CCR6: variants seen among roughly 807,000 people sequenced by gnomAD.
The protein encoded by CCR6 is C-C chemokine receptor type 6.
Under a neutral mutation model 3.0 loss-of-function variants are expected in CCR6, and 2 were observed. The observed-to-expected ratio is 0.66, with a 90% CI of 0.27 to 2.07. CCR6 has a LOEUF of 2.07. Ranked by LOEUF, CCR6 falls within the 30% of genes most tolerant of loss-of-function variation. The probability of loss-of-function intolerance (pLI) is 0.14; values close to 1 mark genes in which losing one functional copy is unlikely to be tolerated. For synonymous variants in CCR6, 193 were observed against 184.3 expected, an observed-to-expected ratio of 1.05 and a Z score of -0.38; for missense variants, 322 against 462.8, an observed-to-expected ratio of 0.70 and a Z score of 2.79.
At chr6:167,115,257 C>T (rs1194983670) in intron 1 of CCR6, 1 of 152,208 alleles carries the variant, frequency 6.6e-6, no homozygotes, top group African/African-American at 2.4e-5. Flanking sequence ...CGCCCAGCGC[C>T]CTCTAGATGT....
intron 1 of CCR6, among the ~76,000 whole-genome samples, chr6:167,130,182 G>T (rs573716813): frequency 6.6e-6 from 1 of 151,904 alleles, no homozygotes; most frequent in South Asian, 2.1e-4. Flanking sequence ...GAGATAGGAA[G>T]TGCTGAACCT....
upstream of CCR6, among the ~76,000 whole-genome samples, chr6:167,118,819 T>C (rs1284007807): frequency 6.6e-6 from 1 of 152,074 alleles, no homozygotes; most frequent in Non-Finnish European, 1.5e-5. Flanking sequence ...CCTGGGCCTT[T>C]AGTGAGGATT....
rs1435287098 is a variant in CCR6, at chr6:167,138,476, T to C, written c.*1121T>C. 1 of 152,328 alleles carries C rather than the reference T, an allele frequency of 6.6e-6. No homozygotes were observed. Among genetic ancestry groups the C allele is most frequent in the African/African-American group, 2.4e-5 (1 of 41,436 alleles). The allele number at this position is 152,328 out of a possible 1,614,324, so 9.4% of individuals were successfully genotyped here. A position where few individuals can be genotyped will look rare whatever the true frequency, so the allele number is the denominator to read the frequency against. On this transcript the variant is annotated 3_prime_UTR_variant, in exon 3 of 3. Transcript: ENST00000341935. ...GAATTATGCTGGCTTCTGATAATTATTTTAAAGGGGTCTGAAATTTGTGAT... is the reference window on the plus strand; with the variant it reads ...GAATTATGCTGGCTTCTGATAATTACTTTAAAGGGGTCTGAAATTTGTGAT...
chr6:167,126,083 T>C (rs925312296), intron 1 of CCR6: 4 of 152,162 alleles, frequency 2.6e-5, no homozygotes, highest in African/African-American at 7.2e-5. Context: ...CCAGCTACTC[T>C]AGAGGCTGAG....
At chr6:167,130,307 C>G (rs1292864479) in intron 1 of CCR6, among the ~76,000 whole-genome samples, 1 of 151,774 alleles carries the variant, frequency 6.6e-6, no homozygotes, top group Non-Finnish European at 1.5e-5. Context: ...TCATCTGCCA[C>G]TCGTAGATAA....
upstream of CCR6, chr6:167,120,728 T>C (rs988286060): frequency 6.6e-6 from 1 of 152,242 alleles, no homozygotes; most frequent in Non-Finnish European, 1.5e-5. Flanking sequence ...TGGAAACTTA[T>C]TGTTATGAAA....
chr6:167,129,982 T>C (rs1781728289), intron 1 of CCR6, among the ~76,000 whole-genome samples: 1 of 151,798 alleles, frequency 6.6e-6, no homozygotes, highest in Admixed American at 6.6e-5. Flanking sequence ...CTGAAACTCC[T>C]CCTCCAAAGA....
At chr6:167,127,125 T>C (rs1781679069) in intron 1 of CCR6, 1 of 152,246 alleles carries the variant, frequency 6.6e-6, no homozygotes, top group Non-Finnish European at 1.5e-5. Context: ...TTATATGATT[T>C]ATATCATCAT....
At chr6:167,122,469 G>T (rs1781604077), upstream of CCR6, among the ~76,000 whole-genome samples, 1 of 152,200 alleles carries the variant, frequency 6.6e-6, no homozygotes, top group Non-Finnish European at 1.5e-5. This position sits in a 1 kb window ranked among gnomAD's most constrained non-coding sequence, Gnocchi z 4.2. Flanking sequence ...AAGATTAGGT[G>T]CCCGCTTTTG....
At chr6:167,123,703 T>C (rs897713413) in intron 1 of CCR6, among the ~76,000 whole-genome samples, 24 of 152,022 alleles carry the variant, frequency 1.6e-4, no homozygotes, top group African/African-American at 2.4e-5. Context: ...TTAAGAGAAA[T>C]TGACAAGGTG....
intron 1 of CCR6, among the ~76,000 whole-genome samples, chr6:167,127,592 A>C (rs1781689062): frequency 6.6e-6 from 1 of 152,242 alleles, no homozygotes; most frequent in African/African-American, 2.4e-5. Flanking sequence ...GTGTTAATGC[A>C]AGGATTTGAA....
intron 1 of CCR6, among the ~76,000 whole-genome samples, chr6:167,114,125 C>T (rs1312888764): frequency 1.3e-5 from 2 of 152,280 alleles, no homozygotes; most frequent in East Asian, 3.9e-4. Context: ...CTTCGGCAGC[C>T]GGCGCATGAC....
intron 1 of CCR6, chr6:167,114,862 C>G (rs1232968840): frequency 6.6e-6 from 1 of 152,240 alleles, no homozygotes; most frequent in Non-Finnish European, 1.5e-5. Flanking sequence ...GATGTCTTCA[C>G]AGATCCAAGG....
intron 1 of CCR6, among the ~76,000 whole-genome samples, chr6:167,113,530 G>A (rs1781445911): frequency 2.0e-5 from 3 of 152,188 alleles, no homozygotes; most frequent in Non-Finnish European, 4.4e-5. Context: ...TCTCAGTGTG[G>A]AATTTGGTGT....
intron 1 of CCR6, among the ~76,000 whole-genome samples, chr6:167,125,095 T>C (rs1004888970): frequency 5.3e-5 from 8 of 151,716 alleles, no homozygotes; most frequent in African/African-American, 1.9e-4. Context: ...CCTAGACACA[T>C]ACATACACAC....
intron 1 of CCR6, chr6:167,129,726 G>C (rs1488093917): frequency 4.6e-5 from 7 of 151,682 alleles, no homozygotes; most frequent in Admixed American, 4.6e-4. Context: ...GAGATACTCA[G>C]GGGATGAGAC....
Position 167,137,586 on chromosome 6 carries a change from G to A in CCR6, c.*231G>A, listed in dbSNP as rs943006046. ...GCAAGGAATGTTTTGTAGCTCTAGG[G>A]TATATATCCGCCTGGCATTTCACAA... On this transcript the variant is annotated 3_prime_UTR_variant, in exon 3 of 3. Coordinates refer to ENST00000341935, the MANE Select transcript of CCR6 (RefSeq NM_031409.4). The surrounding 1 kb of genome is among the most constrained non-coding windows in gnomAD (Gnocchi z 4.6). The A allele has an allele frequency of 2.3e-6, 1 of 439,182 alleles. No homozygotes were observed. The highest frequency in any genetic ancestry group is 4.0e-6 in the Non-Finnish European group (1 of 247,338). The allele number at this position is 439,182 out of a possible 1,614,324, so 27.2% of individuals were successfully genotyped here. A position where few individuals can be genotyped will look rare whatever the true frequency, so the allele number is the denominator to read the frequency against.
At chr6:167,117,563 CGCG>C (rs1382921588) in intron 1 of CCR6, among the ~76,000 whole-genome samples, 1 of 151,564 alleles carries the variant, frequency 6.6e-6, no homozygotes, top group Non-Finnish European at 1.5e-5. Flanking sequence ...ACTACAGGCG[CGCG>C]CCACCACGCC....
chr6:167,113,573 C>T (rs1376765338), intron 1 of CCR6, among the ~76,000 whole-genome samples: 3 of 152,206 alleles, frequency 2.0e-5, no homozygotes, highest in Non-Finnish European at 1.5e-5. Context: ...ACGTCCCCAG[C>T]GGCTCCACGA....
Sources: allele counts gnomAD v4.1 joint callset (sites outside exome capture counted in the v4.1 genomes callset), GRCh38; gene constraint gnomAD v4.1.1; non-coding constraint Gnocchi (gnomAD v3.1); transcripts MANE v1.5; gene names NCBI Gene and HGNC (gene_info 2026-07-23, HGNC 2026-07-21).